The following PLEKHG6 variants were observed in gnomAD, a reference collection of about 807,000 sequenced individuals.
PLEKHG6 encodes pleckstrin homology and RhoGEF domain containing G6, also known as pleckstrin homology domain-containing family G member 6.
PLEKHG6 carries 91 observed loss-of-function variants against 97.5 expected under a neutral mutation model. The observed-to-expected ratio is 0.93, with a 90% CI of 0.79 to 1.11. The LOEUF (loss-of-function observed/expected upper bound fraction) is 1.11. PLEKHG6 is among the 50% of genes most tolerant of loss of function. PLEKHG6 has a pLI of 0.00. For missense variants in PLEKHG6, 1,044 were observed against 1,031.0 expected, an observed-to-expected ratio of 1.01 and a Z score of -0.17; for synonymous variants, 466 against 425.5, an observed-to-expected ratio of 1.10 and a Z score of -1.17.
At chr12:6,321,869 A>AGGGATACTT (rs1206449739) in intron 13 of PLEKHG6, among the ~76,000 whole-genome samples, 1 of 147,688 alleles carries the variant, frequency 6.8e-6, no homozygotes, top group Non-Finnish European at 1.5e-5. Flanking sequence ...GGGGAGCCTT[A>AGGGATACTT]GGGATACTTT....
intron 13 of PLEKHG6, among the ~76,000 whole-genome samples, chr12:6,322,509 A>G (rs1947736312): frequency 6.6e-6 from 1 of 152,092 alleles, no homozygotes; most frequent in Admixed American, 6.5e-5. Flanking sequence ...ACTTCTCTCC[A>G]CCACTTCCAC....
At position 6,315,755 on chromosome 12, in the gene PLEKHG6, G is replaced by T; in HGVS notation, c.555+106G>T. ...GGGGGAGGGAGGGGCAGGATTTCAG[G>T]CCAGTCTGGGATGCAGGGAGATAGG... On this transcript the variant is annotated intron_variant, in intron 5 of 15. Coordinates refer to ENST00000684764, the MANE Select transcript of PLEKHG6 (RefSeq NM_001384598.1). The surrounding 1 kb of genome is among the most constrained non-coding windows in gnomAD (Gnocchi z 4.5). 8.2e-7 allele frequency: 1 copy of T among 1,226,210 alleles called. No homozygotes were observed. Among genetic ancestry groups the T allele is most frequent in the Middle Eastern group, 1.9e-4 (1 of 5,236 alleles). The allele number at this position is 1,226,210 out of a possible 1,614,324, so 76.0% of individuals were successfully genotyped here. A position where few individuals can be genotyped will look rare whatever the true frequency, so the allele number is the denominator to read the frequency against.
intron 2 of PLEKHG6, chr12:6,313,302 G>C: frequency 9.6e-7 from 1 of 1,037,308 alleles, no homozygotes; most frequent in Non-Finnish European, 1.5e-6. Context: ...GGTACGGAGA[G>C]CAGGAGGCAG....
chr12:6,313,641 C>G lies in PLEKHG6; in HGVS notation c.151C>G (p.Arg51Gly). 6.2e-7 allele frequency: 1 copy of G among 1,614,042 alleles called. No individual in the cohort carries two copies. The highest frequency in any genetic ancestry group is 1.3e-5 in the African/African-American group (1 of 75,048). ...RGYPVLDPSR[R>G]RLQQYVPFAR... ...GCTCCTCTCCCAGGATCCCAGTCGC[C>G]GACGCCTCCAGCAGTATGTCCCCTT... Residue 51 changes from arginine to glycine, a missense_variant, in exon 3 of 16, where the codon CGA (arginine) becomes GGA (glycine). By Grantham distance (125) the Arg-to-Gly change is moderately radical. Coordinates refer to ENST00000684764, the MANE Select transcript of PLEKHG6 (RefSeq NM_001384598.1).
At chr12:6,313,152 G>T in intron 2 of PLEKHG6, 2 of 1,548,890 alleles carry the variant, frequency 1.3e-6, no homozygotes, top group South Asian at 1.2e-5. Flanking sequence ...TGGATGGGAT[G>T]CAGGCTGCAC....
At position 6,327,411 on chromosome 12, in the gene PLEKHG6, C is replaced by T; in HGVS notation, c.1828C>T (p.Gln610Ter). The change falls in exon 15 of 16, where the codon CAA (glutamine) becomes TAA (stop). Residue 610 changes from glutamine to a stop codon, truncating the protein, a stop_gained. Coordinates refer to ENST00000684764, the MANE Select transcript of PLEKHG6 (RefSeq NM_001384598.1). LOFTEE classifies it high-confidence loss of function. ...GSRSPLSRLR[Q>*]RALRRDPRLT... The stretch of plus-strand genomic sequence containing the variant: ...CCGCTCCCCACTGAGCCGTCTACGC[C>T]AAAGAGCCCTTCGGCGGGACCCTCG... 3.1e-6 allele frequency: 5 copies of T among 1,614,156 alleles called. No homozygotes were observed. The highest frequency in any genetic ancestry group is 4.2e-6 in the Non-Finnish European group (5 of 1,180,018).
chr12:6,323,380 G>C (rs867069728), intron 13 of PLEKHG6, among the ~76,000 whole-genome samples: 4 of 152,366 alleles, frequency 2.6e-5, no homozygotes, highest in Middle Eastern at 6.8e-3. Flanking sequence ...ATACACTGAA[G>C]AGGGCAGTAG....
chr12:6,315,836 T>G lies in PLEKHG6; in HGVS notation c.556-33T>G. On this transcript the variant is annotated intron_variant, in intron 5 of 15. Coordinates refer to ENST00000684764, the MANE Select transcript of PLEKHG6 (RefSeq NM_001384598.1). The surrounding 1 kb of genome is among the most constrained non-coding windows in gnomAD (Gnocchi z 4.5). ...AGGTGACGACACTGAAGGGCTGCGC[T>G]GGGTCCTGAGACCCTCGTCTCCCTC... The G allele has an allele frequency of 1.1e-5, 17 of 1,543,020 alleles. No individual in the cohort carries two copies. The highest frequency in any genetic ancestry group is 1.4e-5 in the Non-Finnish European group (16 of 1,140,732).
rs1267173517 is a variant in PLEKHG6 at position 6,327,327 on chromosome 12, C to T, written c.1744C>T (p.Pro582Ser). ...CACAGATGAAGATGCTCCCCTTGTG[C>T]CAGATGATACCTCAGACTCTGGCTA... Reference protein sequence around the residue: ...EDTDEDAPLVPDDTSDSGYGT... With the variant: ...EDTDEDAPLVSDDTSDSGYGT... Residue 582 changes from proline (P) to serine (S), a missense_variant, in exon 15 of 16, where the codon CCA becomes TCA. Transcript: ENST00000684764. 1 of 1,613,974 alleles carries T rather than the reference C, an allele frequency of 6.2e-7. No individual in the cohort carries two copies. Among genetic ancestry groups the T allele is most frequent in the Admixed American group, 1.7e-5 (1 of 60,010 alleles).
rs1169520070 is a variant in PLEKHG6 at position 6,327,206 on chromosome 12, GACTTGA to G, written c.1671-41_1671-36del. 3.3e-6 allele frequency: 4 copies of G among 1,218,400 alleles called. No individual in the cohort carries two copies. The Admixed American group carries it at 8.9e-5, about 27-fold the overall frequency. 75.5% of individuals were successfully genotyped at this position (1,218,400 alleles called of 1,614,324 possible). ...TGTAGTGATCAAGGGAAACTCCCTG[GACTTGA>G]ACTTGACCCCTACGCATCTGACTCT... On this transcript the variant is annotated intron_variant, in intron 14 of 15. Transcript: ENST00000684764.
At position 6,318,335 on chromosome 12, in the gene PLEKHG6, C is replaced by T; in HGVS notation, c.1190C>T (p.Ser397Phe). 2 of 1,614,074 alleles carry T rather than the reference C, an allele frequency of 1.2e-6. No individual in the cohort carries two copies. The highest frequency in any genetic ancestry group is 1.7e-6 in the Non-Finnish European group (2 of 1,179,986). The change falls in exon 11 of 16, where the codon TCC becomes TTC. Residue 397 changes from serine to phenylalanine, a missense_variant. Physicochemically the swap from Ser to Phe is radical, Grantham distance 155. Coordinates refer to ENST00000684764, the MANE Select transcript of PLEKHG6 (RefSeq NM_001384598.1). ...LRPFSTLDLTSPMLGVASEHT... is the reference protein window; with the variant it reads ...LRPFSTLDLTFPMLGVASEHT... Reference sequence around the variant, plus strand: ...CCATTCTCCACCCTGGACCTGACGTCCCCCATGCTGGGGGTTGCATCTGAG... The same window carrying T: ...CCATTCTCCACCCTGGACCTGACGTTCCCCATGCTGGGGGTTGCATCTGAG...
chr12:6,319,604 G>A (rs1192962669), intron 13 of PLEKHG6: 1 of 1,536,032 alleles, frequency 6.5e-7, no homozygotes, highest in Admixed American at 2.0e-5. Flanking sequence ...TCCATCAGAA[G>A]ACAGAAAAAG....
chr12:6,313,128 C>A, intron 2 of PLEKHG6: 1 of 1,543,160 alleles, frequency 6.5e-7, no homozygotes, highest in Admixed American at 2.0e-5. Context: ...CACAGAAGGG[C>A]AGCCACTCCC....
At position 6,318,824 on chromosome 12, in the gene PLEKHG6, T is replaced by C. The variant is rs1207080625; in HGVS notation, c.1355T>C (p.Ile452Thr). ...PQRKADKAKV[I>T]RPPLMLEKLV... is the part of the protein sequence containing the mutation. ...CGCAAGGCGGACAAAGCCAAGGTCA[T>C]CCGACCCCCTCTCATGCTGGAGAAG... Residue 452 changes from isoleucine (I) to threonine (T), a missense_variant, in exon 12 of 16, where the codon ATC becomes ACC. Transcript: ENST00000684764. 2 of 1,614,070 alleles carry C rather than the reference T, an allele frequency of 1.2e-6. No homozygotes were observed. Among genetic ancestry groups the C allele is most frequent in the African/African-American group, 2.7e-5 (2 of 74,928 alleles).
intron 13 of PLEKHG6, among the ~76,000 whole-genome samples, chr12:6,324,846 T>G (rs1389055977): frequency 6.6e-6 from 1 of 152,188 alleles, no homozygotes; most frequent in Non-Finnish European, 1.5e-5. Context: ...CTGGCTCATA[T>G]ACTTCAAGCT....
intron 13 of PLEKHG6, among the ~76,000 whole-genome samples, chr12:6,321,776 G>T (rs4764577): frequency 0.61 from 88,848 of 145,268 alleles, 27,610 homozygotes; most frequent in African/African-American, 0.7. Context: ...GCAGTGAGCC[G>T]AGATCGCGCC....
intron 11 of PLEKHG6, 40 bp downstream of exon 11, chr12:6,318,460 G>A (rs1462850526): frequency 6.4e-7 from 1 of 1,562,494 alleles, no homozygotes; most frequent in South Asian, 1.2e-5. Context: ...ATGGGGCACG[G>A]TGGGAGAAGG....
At chr12:6,314,449 G>A (rs1161837179) in intron 3 of PLEKHG6, among the ~76,000 whole-genome samples, 1 of 152,100 alleles carries the variant, frequency 6.6e-6, no homozygotes, top group Non-Finnish European at 1.5e-5. Context: ...GGAGGTTGCA[G>A]TGAGCCGAGA....
Position 6,321,366 on chromosome 12 carries a change from T to C in PLEKHG6, c.1524+2258T>C, listed in dbSNP as rs1947694290. On this transcript the variant is annotated intron_variant, in intron 13 of 15. Transcript: ENST00000684764. ...AAGGGTGAAATCAGTGTGTTTCCTC[T>C]TGAATTAGGTTTTCAGGAAATCAGG... 2.0e-5 allele frequency among the ~76,000 whole-genome samples: 3 copies of C among 152,176 alleles called. No homozygotes were observed. The South Asian group carries it at 6.2e-4, about 32-fold the overall frequency.
Sources: allele counts gnomAD v4.1 joint callset (sites outside exome capture counted in the v4.1 genomes callset), GRCh38; gene constraint gnomAD v4.1.1; non-coding constraint Gnocchi (gnomAD v3.1); transcripts MANE v1.5; gene names NCBI Gene and HGNC (gene_info 2026-07-23, HGNC 2026-07-21).